The following CGGBP1 variants were observed in gnomAD, a reference collection of about 807,000 sequenced individuals.
CGGBP1 encodes the protein CGG triplet repeat-binding protein 1.
Under a neutral mutation model 11.4 loss-of-function variants are expected in CGGBP1, and 4 were observed. The observed-to-expected ratio is 0.35, with a 90% CI of 0.17 to 0.80. The LOEUF is 0.80. Ranked by LOEUF, CGGBP1 falls within the 30% of genes least tolerant of loss-of-function variation. The pLI, the probability that CGGBP1 is intolerant of heterozygous loss-of-function variation, is 0.52. For missense variants in CGGBP1, 135 were observed against 202.1 expected, an observed-to-expected ratio of 0.67 and a Z score of 2.01; for synonymous variants, 76 against 74.1, an observed-to-expected ratio of 1.03 and a Z score of -0.13.
chr3:88,135,208 T>C, intron 2 of CGGBP1: 1 of 1,458,228 alleles, frequency 6.9e-7, no homozygotes, highest in Middle Eastern at 1.8e-4. Flanking sequence ...ATGAGGTAAA[T>C]AGGATATATT....
At chr3:88,073,280 G>A (rs904263107) in intron 2 of CGGBP1, among the ~76,000 whole-genome samples, 4 of 152,086 alleles carry the variant, frequency 2.6e-5, no homozygotes, top group African/African-American at 9.7e-5. Flanking sequence ...TAAAGTTTGA[G>A]AGCCACTGGA....
At chr3:88,121,466 G>A (rs1325257317) in intron 2 of CGGBP1, among the ~76,000 whole-genome samples, 2 of 152,168 alleles carry the variant, frequency 1.3e-5, no homozygotes, top group African/African-American at 4.8e-5. Context: ...TTGAAAAACA[G>A]TAACTTCTTT....
At chr3:88,102,987 C>A (rs1013494555) in intron 2 of CGGBP1, among the ~76,000 whole-genome samples, 1 of 151,952 alleles carries the variant, frequency 6.6e-6, no homozygotes, top group South Asian at 2.1e-4. Context: ...TACCCTCTGC[C>A]CCACTAGTAG....
intron 2 of CGGBP1, among the ~76,000 whole-genome samples, chr3:88,080,415 T>A (rs1013928321): frequency 6.6e-6 from 1 of 152,178 alleles, no homozygotes; most frequent in African/African-American, 2.4e-5. Context: ...TGATAGCTCT[T>A]GTTTGTTACA....
chr3:88,097,405 C>G (rs572791721), intron 2 of CGGBP1, among the ~76,000 whole-genome samples: 1 of 151,652 alleles, frequency 6.6e-6, no homozygotes, highest in Middle Eastern at 3.4e-3. Context: ...CACCCACTGT[C>G]AATATTAGAC....
At chr3:88,119,345 T>C (rs13072533) in intron 2 of CGGBP1, among the ~76,000 whole-genome samples, 92,438 of 119,268 alleles carry the variant, frequency 0.78, 36,277 homozygotes, top group South Asian at 0.9. Context: ...TGAGAACACA[T>C]GGACATAGGA....
At chr3:88,112,993 A>AT in intron 2 of CGGBP1, 1 of 655,010 alleles carries the variant, frequency 1.5e-6, no homozygotes. Context: ...GTTCAGTACA[A>AT]TTTTTTAAAC....
chr3:88,090,317 C>G (rs1366501225), intron 2 of CGGBP1, among the ~76,000 whole-genome samples: 3 of 152,004 alleles, frequency 2.0e-5, no homozygotes, highest in Non-Finnish European at 4.4e-5. Context: ...TATTGATGAC[C>G]CTGATTCTAT....
chr3:88,056,162 G>C, intron 3 of CGGBP1, 163 bp from the exon 4 acceptor site: 1 of 542,674 alleles, frequency 1.8e-6, no homozygotes, highest in East Asian at 3.1e-5. Flanking sequence ...AAATATATAA[G>C]GGAAGGCAAA....
chr3:88,139,594 C>A, intron 2 of CGGBP1: 1 of 1,613,724 alleles, frequency 6.2e-7, no homozygotes, highest in Non-Finnish European at 8.5e-7. Context: ...GAAGTGGAGA[C>A]ACTTACTGCT....
chr3:88,110,726 AC>A (rs1453246579), intron 2 of CGGBP1, among the ~76,000 whole-genome samples: 6 of 152,128 alleles, frequency 3.9e-5, no homozygotes, highest in African/African-American at 1.4e-4. Context: ...CATTTAGTTG[AC>A]TATTTATACA....
intron 2 of CGGBP1, among the ~76,000 whole-genome samples, chr3:88,069,456 AC>A (rs1020854085): frequency 2.6e-5 from 4 of 152,032 alleles, no homozygotes; most frequent in African/African-American, 9.7e-5. Context: ...CTCTTAGTCC[AC>A]CCCCCAACCC....
intron 2 of CGGBP1, among the ~76,000 whole-genome samples, chr3:88,106,346 G>GTT (rs1002845793): frequency 6.6e-6 from 1 of 151,738 alleles, no homozygotes; most frequent in Non-Finnish European, 1.5e-5. Context: ...TTATCTTTTT[G>GTT]TTTTTTTGGA....
intron 2 of CGGBP1, among the ~76,000 whole-genome samples, chr3:88,103,703 G>C (rs1339287678): frequency 1.3e-5 from 2 of 150,456 alleles, no homozygotes; most frequent in African/African-American, 4.9e-5. Context: ...TTCAGAAATT[G>C]CAAGTTAAAA....
intron 2 of CGGBP1, among the ~76,000 whole-genome samples, chr3:88,109,842 CAT>C (rs770376426): frequency 2.6e-4 from 40 of 151,832 alleles, no homozygotes; most frequent in Non-Finnish European, 4.3e-4. Flanking sequence ...ATTGTAGAAA[CAT>C]ATTAAACATG....
At chr3:88,121,240 A>G (rs1705751875) in intron 2 of CGGBP1, among the ~76,000 whole-genome samples, 1 of 152,136 alleles carries the variant, frequency 6.6e-6, no homozygotes, top group Non-Finnish European at 1.5e-5. Context: ...AAGTCAATCT[A>G]TGTTTTCTTT....
At chr3:88,147,914 CA>C (rs1453712835) in intron 1 of CGGBP1, among the ~76,000 whole-genome samples, 2 of 152,168 alleles carry the variant, frequency 1.3e-5, no homozygotes, top group African/African-American at 2.4e-5. Flanking sequence ...ATCCCCTCGA[CA>C]AAAGATTATC....
chr3:88,087,590 G>T (rs2107666433), intron 2 of CGGBP1, among the ~76,000 whole-genome samples: 1 of 152,278 alleles, frequency 6.6e-6, no homozygotes, highest in South Asian at 2.1e-4. Context: ...TAGAGGAATG[G>T]TCATTGCAAC....
intron 1 of CGGBP1, among the ~76,000 whole-genome samples, chr3:88,145,986 A>C (rs1707306276): frequency 6.6e-6 from 1 of 152,254 alleles, no homozygotes; most frequent in Non-Finnish European, 1.5e-5. Context: ...ACAAATGTAG[A>C]CCATGAGTGG....
Sources: allele counts gnomAD v4.1 joint callset (sites outside exome capture counted in the v4.1 genomes callset), GRCh38; gene constraint gnomAD v4.1.1; transcripts MANE v1.5; gene names NCBI Gene and HGNC (gene_info 2026-07-23, HGNC 2026-07-21).